RNGTT: variants seen among roughly 807,000 people sequenced by gnomAD.
RNGTT encodes the protein mRNA-capping enzyme.
A neutral mutation model predicts 79.3 loss-of-function variants in RNGTT; 33 were observed. That is an observed-to-expected ratio of 0.42 (90% confidence interval 0.32 to 0.56). RNGTT has a LOEUF of 0.56. Among genes scored for constraint, RNGTT ranks in the 20% least tolerant of loss-of-function variants. The pLI, the probability that RNGTT is intolerant of heterozygous loss-of-function variation, is 0.17. For synonymous variants in RNGTT, 222 were observed against 235.9 expected (o/e 0.94, Z 0.54); for missense variants, 497 against 739.1 (o/e 0.67, Z 3.80).
At chr6:88,915,408 C>A (rs539478524) in intron 4 of RNGTT, among the ~76,000 whole-genome samples, 1 of 152,130 alleles carries the variant, frequency 6.6e-6, no homozygotes, top group Non-Finnish European at 1.5e-5. Flanking sequence ...AAATGCAGTA[C>A]ATATATACCA....
At chr6:88,698,271 T>TC (rs1554206776) in intron 13 of RNGTT, among the ~76,000 whole-genome samples, 1 of 93,904 alleles carries the variant, frequency 1.1e-5, no homozygotes. Flanking sequence ...ATATATATGA[T>TC]ATATATATTT....
At chr6:88,749,911 C>T (rs1777785900) in intron 13 of RNGTT, among the ~76,000 whole-genome samples, 1 of 152,132 alleles carries the variant, frequency 6.6e-6, no homozygotes, top group African/African-American at 2.4e-5. Flanking sequence ...TTCCTAATTA[C>T]TGGTGGTTCA....
At chr6:88,665,936 G>A (rs531959693) in intron 14 of RNGTT, among the ~76,000 whole-genome samples, 14 of 152,338 alleles carry the variant, frequency 9.2e-5, no homozygotes, top group African/African-American at 3.1e-4. Context: ...CAGCAGGTAC[G>A]CTACCTGGGA....
At chr6:88,925,579 C>T (rs1475355062) in intron 4 of RNGTT, among the ~76,000 whole-genome samples, 1 of 145,104 alleles carries the variant, frequency 6.9e-6, no homozygotes, top group Non-Finnish European at 1.5e-5. Context: ...GGCAATACGG[C>T]AAGACCTTAC....
chr6:88,718,505 TA>T (rs1006525365), intron 13 of RNGTT, among the ~76,000 whole-genome samples: 1 of 151,606 alleles, frequency 6.6e-6, no homozygotes, highest in Non-Finnish European at 1.5e-5. Flanking sequence ...TGACAAAAAT[TA>T]AAAAAAATAA....
At chr6:88,830,491 A>G (rs1172967527) in intron 11 of RNGTT, among the ~76,000 whole-genome samples, 1 of 152,162 alleles carries the variant, frequency 6.6e-6, no homozygotes, top group Non-Finnish European at 1.5e-5. Flanking sequence ...TCTTAAATCA[A>G]CACCCTAACA....
intron 14 of RNGTT, among the ~76,000 whole-genome samples, chr6:88,615,900 AC>A (rs1169111464): frequency 6.6e-6 from 1 of 152,148 alleles, no homozygotes; most frequent in Non-Finnish European, 1.5e-5. Flanking sequence ...TTCCATCTTA[AC>A]CATTTTTAAG....
intron 12 of RNGTT, among the ~76,000 whole-genome samples, chr6:88,775,913 T>C (rs113792723): frequency 1.3e-5 from 2 of 152,238 alleles, no homozygotes; most frequent in Non-Finnish European, 2.9e-5. Context: ...TGCATAAATA[T>C]ACCATAATTT....
intron 13 of RNGTT, among the ~76,000 whole-genome samples, chr6:88,759,890 T>C (rs770183139): frequency 1.2e-4 from 19 of 152,150 alleles, no homozygotes; most frequent in Non-Finnish European, 2.2e-4. Context: ...TGATTCAAAG[T>C]AGGAATTTAA....
rs372230871 is a variant in RNGTT, at chr6:88,961,367, G to A, written c.64+1979C>T. 7.9e-5 allele frequency among the ~76,000 whole-genome samples: 12 copies of A among 151,838 alleles called. No homozygotes were observed. The South Asian group carries it at 1.5e-3, about 18-fold the overall frequency. On this transcript the variant is annotated intron_variant, in intron 1 of 15. Transcript: ENST00000369485. ...TGTGTGTGTGTGTATATATATATAT[G>A]TACATATATTTCCTATTAGTTCTGT...
chr6:88,933,434 C>A (rs1784569058), intron 2 of RNGTT, among the ~76,000 whole-genome samples: 1 of 152,142 alleles, frequency 6.6e-6, no homozygotes. Flanking sequence ...ACCCTTCCCA[C>A]CCTCTGGTAT....
At chr6:88,694,506 A>G (rs1199888123) in intron 13 of RNGTT, among the ~76,000 whole-genome samples, 3 of 149,138 alleles carry the variant, frequency 2.0e-5, no homozygotes, top group Non-Finnish European at 4.5e-5. Context: ...AATATTGTTA[A>G]AAAGTCCATA....
intron 11 of RNGTT, among the ~76,000 whole-genome samples, chr6:88,835,997 C>CAT (rs1781057499): frequency 8.4e-6 from 1 of 119,742 alleles, no homozygotes; most frequent in Admixed American, 8.9e-5. Context: ...CACACACACA[C>CAT]ACACACACAC....
intron 13 of RNGTT, 113 bp from the exon 14 acceptor site, chr6:88,678,532 G>A (rs35443551): frequency 0.089 from 44,442 of 501,986 alleles, 2,392 homozygotes; most frequent in Middle Eastern, 0.19. Flanking sequence ...AAATATATTA[G>A]ATGGATGCTG....
At chr6:88,839,646 AATTC>A (rs1781200772) in intron 11 of RNGTT, among the ~76,000 whole-genome samples, 2 of 152,184 alleles carry the variant, frequency 1.3e-5, no homozygotes, top group South Asian at 4.1e-4. Context: ...TTGCTAAAGA[AATTC>A]TGGATGGATA....
chr6:88,657,273 G>A (rs986253540), intron 14 of RNGTT, among the ~76,000 whole-genome samples: 8 of 152,198 alleles, frequency 5.3e-5, no homozygotes, highest in Admixed American at 5.2e-4. Context: ...TCCAGATCAT[G>A]GGAGAAGGAT....
chr6:88,766,450 G>C (rs1384439853), intron 13 of RNGTT, among the ~76,000 whole-genome samples: 1 of 151,976 alleles, frequency 6.6e-6, no homozygotes, highest in African/African-American at 2.4e-5. Context: ...ATAGCTCTCA[G>C]ATGAAAATCT....
At chr6:88,633,560 C>T (rs890844819) in intron 14 of RNGTT, among the ~76,000 whole-genome samples, 3 of 152,134 alleles carry the variant, frequency 2.0e-5, no homozygotes, top group Non-Finnish European at 4.4e-5. Flanking sequence ...TATCTCCAAC[C>T]TGACAATAAG....
At chr6:88,915,319 A>T (rs1320873026) in intron 4 of RNGTT, among the ~76,000 whole-genome samples, 2 of 152,236 alleles carry the variant, frequency 1.3e-5, no homozygotes, top group African/African-American at 4.8e-5. Context: ...CCGCACTTGT[A>T]TGTTTACCAC....
Sources: allele counts gnomAD v4.1 joint callset (sites outside exome capture counted in the v4.1 genomes callset), GRCh38; gene constraint gnomAD v4.1.1; transcripts MANE v1.5; gene names NCBI Gene and HGNC (gene_info 2026-07-23, HGNC 2026-07-21).